The following ADGRE3 variants were observed in gnomAD, a reference collection of about 807,000 sequenced individuals.
ADGRE3 encodes adhesion G protein-coupled receptor E3.
A neutral mutation model predicts 80.1 loss-of-function variants in ADGRE3; 88 were observed. The observed-to-expected ratio is 1.10, with a 90% CI of 0.93 to 1.31. The LOEUF is 1.31. Among genes scored for constraint, ADGRE3 ranks in the 40% most tolerant of loss-of-function variants. The pLI is 0.00. For missense variants in ADGRE3, 715 were observed against 776.5 expected (o/e 0.92, Z 0.94); for synonymous variants, 281 against 294.8 (o/e 0.95, Z 0.48).
At chr19:14,653,739 A>G (rs1206946870) in intron 6 of ADGRE3, among the ~76,000 whole-genome samples, 2 of 151,950 alleles carry the variant, frequency 1.3e-5, no homozygotes, top group Non-Finnish European at 2.9e-5. Context: ...TGTCCAGCTA[A>G]TATTATCCTC....
chr19:14,624,756 T>TAA (rs796369865), intron 15 of ADGRE3, among the ~76,000 whole-genome samples: 46 of 132,222 alleles, frequency 3.5e-4, no homozygotes, highest in African/African-American at 1.2e-3. Flanking sequence ...CCCTGTCTCT[T>TAA]AAAAAAAAAA....
chr19:14,604,615 G>A, the ADGRE3 span, among the ~76,000 whole-genome samples: 1 of 152,000 alleles, frequency 6.6e-6, no homozygotes, highest in East Asian at 1.9e-4. Flanking sequence ...ATACAAAAAT[G>A]AGCTGGGCAT....
At chr19:14,662,319 A>ATATAAG (rs71333303) in intron 3 of ADGRE3, among the ~76,000 whole-genome samples, 46,738 of 151,998 alleles carry the variant, frequency 0.31, 7,310 homozygotes, top group Middle Eastern at 0.43. Context: ...TGAGACGAGA[A>ATATAAG]TATAAGTACT....
chr19:14,662,091 C>G lies in ADGRE3; in HGVS notation c.227G>C (p.Ser76Thr). The change falls in exon 4 of 16, where the codon AGT becomes ACT. Residue 76 changes from serine (S) to threonine (T), a missense_variant. Transcript: ENST00000253673. ...CACAGCGTTAAATCCACAATATACACTATAGGGTGGTGTACATTCATTAAT... is the reference window on the plus strand; with the variant it reads ...CACAGCGTTAAATCCACAATATACAGTATAGGGTGGTGTACATTCATTAAT... ...NDINECTPPY[S>T]VYCGFNAVCY... is the part of the protein sequence containing the mutation. The G allele has an allele frequency of 6.2e-7, 1 of 1,614,080 alleles. No homozygotes were observed. The highest frequency in any genetic ancestry group is 8.5e-7 in the Non-Finnish European group (1 of 1,179,970).
intron 1 of ADGRE3, among the ~76,000 whole-genome samples, chr19:14,669,149 A>G (rs1972183297): frequency 6.6e-6 from 1 of 152,222 alleles, no homozygotes; most frequent in Non-Finnish European, 1.5e-5. Context: ...TAGGCAAGTC[A>G]CGGAGCCAAC....
intron 4 of ADGRE3, among the ~76,000 whole-genome samples, chr19:14,659,188 C>G (rs1971867025): frequency 6.8e-6 from 1 of 147,700 alleles, no homozygotes; most frequent in Admixed American, 6.8e-5. Flanking sequence ...GTGTGTACCA[C>G]CAGACCTGGC....
the ADGRE3 span, among the ~76,000 whole-genome samples, chr19:14,605,779 C>G: frequency 6.6e-6 from 1 of 152,102 alleles, no homozygotes; most frequent in South Asian, 2.1e-4. Flanking sequence ...TGCTCTGCTG[C>G]CCAGGCTGGA....
At chr19:14,663,334 C>A in intron 3 of ADGRE3, 84 bp downstream of exon 3, 1 of 877,028 alleles carries the variant, frequency 1.1e-6, no homozygotes. Flanking sequence ...CACAGCAGTC[C>A]AGCCTGGGCA....
intron 11 of ADGRE3, among the ~76,000 whole-genome samples, chr19:14,636,114 CT>C (rs1373249135): frequency 8.5e-5 from 5 of 59,030 alleles, no homozygotes; most frequent in Admixed American, 2.2e-4. Context: ...TTCTTTCTTT[CT>C]TTCTTTCTTT....
intron 2 of ADGRE3, among the ~76,000 whole-genome samples, chr19:14,667,338 T>C (rs1404607551): frequency 6.6e-6 from 1 of 150,898 alleles, no homozygotes; most frequent in Non-Finnish European, 1.5e-5. Context: ...GAATGTCTTC[T>C]TTTCTGTTTT....
intron 14 of ADGRE3, among the ~76,000 whole-genome samples, chr19:14,625,945 C>T (rs549571865): frequency 2.0e-5 from 3 of 151,924 alleles, no homozygotes; most frequent in South Asian, 2.1e-4. Context: ...AGGAGAGTGG[C>T]GAGGTAGTGT....
rs903061478 is a variant in ADGRE3 at position 14,630,203 on chromosome 19, G to A, written c.1648C>T (p.Leu550=). The A allele has an allele frequency of 6.2e-7, 1 of 1,600,300 alleles. No homozygotes were observed. The highest frequency in any genetic ancestry group is 8.5e-7 in the Non-Finnish European group (1 of 1,172,616). Residue 550 remains leucine (L), a synonymous_variant, in exon 14 of 16, where the codon CTG becomes TTG. Coordinates refer to ENST00000253673, the MANE Select transcript of ADGRE3 (RefSeq NM_032571.5). The part of the protein sequence containing the change: ...EVSTIQNTRM[L]AFKATAQLFI... ...AGCTGAGCTGTTGCTTTGAAAGCCA[G>A]CATCCTGGGAGGAGGAAGTCAGAGA... is the stretch of plus-strand genomic sequence containing the variant.
chr19:14,627,216 A>G (rs769776380), intron 14 of ADGRE3, among the ~76,000 whole-genome samples: 20 of 152,276 alleles, frequency 1.3e-4, no homozygotes, highest in Admixed American at 2.0e-4. Flanking sequence ...ATTTCCCCAG[A>G]CATTGCTAAC....
chr19:14,650,138 C>G (rs1393173218), intron 7 of ADGRE3, among the ~76,000 whole-genome samples: 2 of 149,704 alleles, frequency 1.3e-5, no homozygotes, highest in Non-Finnish European at 3.0e-5. Flanking sequence ...CCATCTCTCT[C>G]TACTCATCTC....
At chr19:14,633,565 C>T (rs1190095478) in intron 11 of ADGRE3, among the ~76,000 whole-genome samples, 3 of 151,614 alleles carry the variant, frequency 2.0e-5, no homozygotes, top group East Asian at 2.0e-4. Flanking sequence ...ATTAGCTGGG[C>T]GTGGTGGCGG....
At chr19:14,653,926 C>A (rs1243093422) in intron 6 of ADGRE3, among the ~76,000 whole-genome samples, 2 of 145,672 alleles carry the variant, frequency 1.4e-5, no homozygotes, top group South Asian at 4.4e-4. Flanking sequence ...CTGACTTTTT[C>A]AAAGCCTGCT....
chr19:14,633,491 A>G (rs1161989262), intron 11 of ADGRE3, among the ~76,000 whole-genome samples, 189 bp from the exon 12 acceptor site: 2 of 152,034 alleles, frequency 1.3e-5, no homozygotes, highest in East Asian at 3.9e-4. Context: ...CGGCTCACGA[A>G]GTCAGGAGCT....
At chr19:14,624,253 C>A (rs1248423685) in intron 15 of ADGRE3, among the ~76,000 whole-genome samples, 1 of 152,094 alleles carries the variant, frequency 6.6e-6, no homozygotes, top group Non-Finnish European at 1.5e-5. Context: ...TGCCACCATG[C>A]CCAGCTAATT....
the ADGRE3 span, among the ~76,000 whole-genome samples, chr19:14,612,578 G>A: frequency 3.3e-5 from 5 of 152,176 alleles, no homozygotes; most frequent in South Asian, 4.2e-4. Flanking sequence ...CAAGCAATCT[G>A]CCCACCTTGG....
Sources: gnomAD v4.1 joint callset for allele counts (sites outside exome capture counted in the v4.1 genomes callset) on GRCh38, gnomAD v4.1.1 for gene constraint, MANE v1.5 for transcripts, NCBI Gene and HGNC (gene_info 2026-07-23, HGNC 2026-07-21) for gene names.